KDM4C: variants seen among roughly 807,000 people sequenced by gnomAD.
KDM4C encodes lysine demethylase 4C, also known as lysine-specific demethylase 4C.
A neutral mutation model predicts 129.3 loss-of-function variants in KDM4C; 81 were observed. The observed-to-expected ratio is 0.63, with a 90% CI of 0.52 to 0.75. The LOEUF (loss-of-function observed/expected upper bound fraction) is 0.75, where lower values mean the gene tolerates loss of function less well. KDM4C is among the 30% of genes least tolerant of loss of function. KDM4C has a pLI of 0.00. For synonymous variants in KDM4C, 573 were observed against 456.1 expected, an observed-to-expected ratio of 1.26 and a Z score of -3.26; for missense variants, 1,457 against 1,304.0, an observed-to-expected ratio of 1.12 and a Z score of -1.81.
Position 7,015,872 on chromosome 9 carries a change from T to C in KDM4C, c.2202T>C (p.Ser734=). 6.2e-7 allele frequency: 1 copy of C among 1,612,244 alleles called. No individual in the cohort carries two copies. The highest frequency in any genetic ancestry group is 1.7e-5 in the Admixed American group (1 of 59,994). The change falls in exon 15 of 22, where the codon TCT becomes TCC. Residue 734 remains serine (S), a synonymous_variant. Coordinates refer to ENST00000381309, the MANE Select transcript of KDM4C (RefSeq NM_015061.6). ...RVHASCYGIP[S]HEICDGWLCA... The stretch of plus-strand genomic sequence containing the variant: ...TTATAGGTTGTTATGGTATTCCTTC[T>C]CATGAGATCTGTGATGGATGGCTGT...
intron 5 of KDM4C, among the ~76,000 whole-genome samples, chr9:6,878,629 G>A (rs996156023): frequency 6.6e-6 from 1 of 152,180 alleles, no homozygotes; most frequent in African/African-American, 2.4e-5. Context: ...ACTTTAGATT[G>A]AGGAGCTTTA....
At chr9:7,072,689 G>C (rs1207978151) in intron 17 of KDM4C, among the ~76,000 whole-genome samples, 1 of 152,200 alleles carries the variant, frequency 6.6e-6, no homozygotes, top group African/African-American at 2.4e-5. Flanking sequence ...CTTGATTGTG[G>C]TGGAGGTACA....
chr9:6,831,100 A>AT (rs984460932), intron 4 of KDM4C, among the ~76,000 whole-genome samples: 2 of 151,908 alleles, frequency 1.3e-5, no homozygotes, highest in Non-Finnish European at 2.9e-5. Context: ...AGACTCTGTT[A>AT]TTTTTTTTCT....
Position 6,965,369 on chromosome 9 carries a change from C to G in KDM4C, c.922-15556C>G, listed in dbSNP as rs941861293. ...TTTATATATAGAGAGATATATATGA[C>G]TAAATTATATAAAGTGAGGACAGTA... On this transcript the variant is annotated intron_variant, in intron 8 of 21. Transcript: ENST00000381309. Among the ~76,000 whole-genome samples, 8 of 151,434 alleles carry G rather than the reference C, an allele frequency of 5.3e-5. No individual in the cohort carries two copies. In the East Asian group the frequency reaches 1.4e-3, roughly 26 times the overall value.
chr9:6,762,723 A>T (rs1380270705), intron 1 of KDM4C, among the ~76,000 whole-genome samples: 1 of 146,446 alleles, frequency 6.8e-6, no homozygotes, highest in African/African-American at 2.5e-5. Flanking sequence ...CAGTGGTGTG[A>T]TTTTGGCTCA....
At chr9:7,110,477 T>C (rs982396054) in intron 18 of KDM4C, among the ~76,000 whole-genome samples, 1 of 152,226 alleles carries the variant, frequency 6.6e-6, no homozygotes, top group Admixed American at 6.5e-5. Context: ...TCCTAAGTGA[T>C]GCCTAAAGAT....
At chr9:6,991,455 C>G (rs181379298) in intron 12 of KDM4C, among the ~76,000 whole-genome samples, 1 of 151,832 alleles carries the variant, frequency 6.6e-6, no homozygotes, top group African/African-American at 2.4e-5. Flanking sequence ...ATCCCTGATT[C>G]GTAAGTGTCT....
intron 5 of KDM4C, among the ~76,000 whole-genome samples, chr9:6,867,691 T>C (rs1842254501): frequency 6.6e-6 from 1 of 152,240 alleles, no homozygotes; most frequent in African/African-American, 2.4e-5. Context: ...TTTTCCAATT[T>C]CTTCATTACT....
At chr9:6,809,011 G>C (rs908027920) in intron 3 of KDM4C, among the ~76,000 whole-genome samples, 2 of 151,704 alleles carry the variant, frequency 1.3e-5, no homozygotes, top group African/African-American at 2.4e-5. Context: ...GTGTGAATGA[G>C]ATTAAGACTT....
chr9:6,972,806 T>G (rs1479634589), intron 8 of KDM4C, among the ~76,000 whole-genome samples: 2 of 152,246 alleles, frequency 1.3e-5, no homozygotes, highest in African/African-American at 4.8e-5. Flanking sequence ...ATGAATCTTC[T>G]TTCAAGAAAT....
At chr9:6,747,646 C>T (rs762732593) in intron 1 of KDM4C, among the ~76,000 whole-genome samples, 2 of 151,516 alleles carry the variant, frequency 1.3e-5, no homozygotes, top group South Asian at 2.1e-4. Context: ...TGAATGGGAA[C>T]GGAAAAGTCA....
At position 7,175,435 on chromosome 9, in the gene KDM4C, C is replaced by A. The variant is rs1588002231; in HGVS notation, c.*706C>A. The A allele has an allele frequency of 6.6e-6, 1 of 152,632 alleles. No homozygotes were observed. The highest frequency in any genetic ancestry group is 1.9e-4 in the East Asian group (1 of 5,186). 9.5% of individuals were successfully genotyped at this position (152,632 alleles called of 1,614,324 possible). On this transcript the variant is annotated 3_prime_UTR_variant, in exon 22 of 22. Coordinates refer to ENST00000381309, the MANE Select transcript of KDM4C (RefSeq NM_015061.6). ...ATTTTATATATTTAAAGAGGGAGATCTGGGGCTGTTATTTTTAAACACTTT... is the reference window on the plus strand; with the variant it reads ...ATTTTATATATTTAAAGAGGGAGATATGGGGCTGTTATTTTTAAACACTTT...
chr9:6,966,400 G>T (rs1408876142), intron 8 of KDM4C, among the ~76,000 whole-genome samples: 1 of 152,020 alleles, frequency 6.6e-6, no homozygotes, highest in Non-Finnish European at 1.5e-5. Flanking sequence ...TTGATCTCCT[G>T]ACCTCGTGAT....
chr9:6,778,270 A>G (rs1162092907), intron 1 of KDM4C, among the ~76,000 whole-genome samples: 1 of 150,866 alleles, frequency 6.6e-6, no homozygotes, highest in East Asian at 2.0e-4. Flanking sequence ...TTGTATTTTT[A>G]GTAGAGACAG....
rs116995769 is a variant in KDM4C at position 6,880,296 on chromosome 9, G to C, written c.679+235G>C. 1.3e-4 allele frequency among the ~76,000 whole-genome samples: 20 copies of C among 152,036 alleles called. No homozygotes were observed. The East Asian group carries it at 3.5e-3, about 26-fold the overall frequency. ...ATCGTCATGGTTATTTTAGTTGACT[G>C]TTTAGTATTTCATCAAGTGATTGCC... On this transcript the variant is annotated intron_variant, in intron 6 of 21. Coordinates refer to ENST00000381309, the MANE Select transcript of KDM4C (RefSeq NM_015061.6).
intron 5 of KDM4C, among the ~76,000 whole-genome samples, chr9:6,874,734 GGT>G (rs571016545): frequency 3.4e-4 from 51 of 152,170 alleles, no homozygotes; most frequent in African/African-American, 1.2e-3. Context: ...CATAGCTCTG[GGT>G]AAGACCCAGG....
intron 17 of KDM4C, among the ~76,000 whole-genome samples, chr9:7,052,910 T>TTGTTATACAGTGGGGTGCTTTA (rs1554718570): frequency 7.9e-6 from 1 of 126,716 alleles, no homozygotes; most frequent in Non-Finnish European, 1.8e-5. Context: ...AGCGAGCGAG[T>TTGTTATACAGTGGGGTGCTTTA]GCCCAAGGGA....
At chr9:7,043,379 A>G (rs934694288) in intron 15 of KDM4C, among the ~76,000 whole-genome samples, 1 of 152,060 alleles carries the variant, frequency 6.6e-6, no homozygotes, top group African/African-American at 2.4e-5. Context: ...CATGTATCAG[A>G]CATTGTAGAT....
intron 4 of KDM4C, among the ~76,000 whole-genome samples, chr9:6,822,486 C>T (rs1200521515): frequency 6.6e-6 from 1 of 152,184 alleles, no homozygotes; most frequent in Non-Finnish European, 1.5e-5. Flanking sequence ...CAGGAACCTT[C>T]TGTAGTTAAA....
Sources: allele counts gnomAD v4.1 joint callset (sites outside exome capture counted in the v4.1 genomes callset), GRCh38; gene constraint gnomAD v4.1.1; transcripts MANE v1.5; gene names NCBI Gene and HGNC (gene_info 2026-07-23, HGNC 2026-07-21).